REEP1: variants seen among roughly 807,000 people sequenced by gnomAD.
REEP1 encodes receptor expression-enhancing protein 1.
A neutral mutation model predicts 40.3 loss-of-function variants in REEP1; 22 were observed. The observed-to-expected ratio is 0.55, with a 90% CI of 0.39 to 0.78. REEP1 has a LOEUF of 0.78. Among genes scored for constraint, REEP1 ranks in the 30% least tolerant of loss-of-function variants. REEP1 has a pLI of 0.00. For synonymous variants in REEP1, 116 were observed against 139.2 expected, an observed-to-expected ratio of 0.83 and a Z score of 1.17; for missense variants, 280 against 361.1, an observed-to-expected ratio of 0.78 and a Z score of 1.82.
At chr2:86,305,352 C>G (rs1031748728) in intron 1 of REEP1, among the ~76,000 whole-genome samples, 1 of 152,188 alleles carries the variant, frequency 6.6e-6, no homozygotes, top group African/African-American at 2.4e-5. Flanking sequence ...TCTGTGTACC[C>G]GTTTCCTCCC....
chr2:86,250,007 A>C (rs1676180645), intron 5 of REEP1, among the ~76,000 whole-genome samples: 2 of 152,222 alleles, frequency 1.3e-5, no homozygotes, highest in Non-Finnish European at 2.9e-5. Context: ...TTATTTCCTG[A>C]GGCAACTTTC....
intron 2 of REEP1, among the ~76,000 whole-genome samples, chr2:86,265,232 T>A (rs908773164): frequency 6.6e-6 from 1 of 152,224 alleles, no homozygotes; most frequent in Non-Finnish European, 1.5e-5. Flanking sequence ...GAGATTTAGC[T>A]TCTGCCCACT....
At position 86,330,414 on chromosome 2, in the gene REEP1, GGTGTGTGTGTGTGT is replaced by G. The variant is rs55660803; in HGVS notation, c.32+7051_32+7064del. 1.5e-3 allele frequency among the ~76,000 whole-genome samples: 196 copies of G among 127,882 alleles called. 1 individual carries two copies. The highest frequency in any genetic ancestry group is 4.2e-3 in the African/African-American group (143 of 34,294). 83.9% of individuals were successfully genotyped at this position (127,882 alleles called of 152,430 possible). A position where few individuals can be genotyped will look rare whatever the true frequency, so the allele number is the denominator to read the frequency against. On this transcript the variant is annotated intron_variant, in intron 1 of 8. Transcript: ENST00000538924. ...GACTCTCCCTACCACAGTGAATCCTGGTGTGTGTGTGTGTGTGTGTGTGTGTGTGTGTGTGTGTG... is the reference window on the plus strand; with the variant it reads ...GACTCTCCCTACCACAGTGAATCCTGGTGTGTGTGTGTGTGTGTGTGTGTG...
chr2:86,303,142 A>C (rs1287019769), intron 1 of REEP1, among the ~76,000 whole-genome samples: 3 of 151,068 alleles, frequency 2.0e-5, no homozygotes, highest in African/African-American at 7.3e-5. Context: ...TCCTAGGCTC[A>C]CGTGATCCTC....
At chr2:86,271,466 A>G (rs1453601259) in intron 2 of REEP1, among the ~76,000 whole-genome samples, 1 of 152,242 alleles carries the variant, frequency 6.6e-6, no homozygotes, top group East Asian at 1.9e-4. Context: ...AAAAATGACT[A>G]TCAGAGAAAA....
intron 1 of REEP1, among the ~76,000 whole-genome samples, chr2:86,300,024 G>T (rs114454829): frequency 6.6e-6 from 1 of 152,090 alleles, no homozygotes; most frequent in Admixed American, 6.5e-5. Context: ...ACATGGCCAG[G>T]GGGGACCATG....
chr2:86,220,227 G>T, intron 7 of REEP1, 106 bp from the exon 8 acceptor site: 1 of 742,186 alleles, frequency 1.3e-6, no homozygotes, highest in Non-Finnish European at 1.8e-6. Context: ...CAGCAAACCA[G>T]GCCTGTGAGG....
intron 1 of REEP1, among the ~76,000 whole-genome samples, chr2:86,325,435 T>G (rs1434339053): frequency 6.6e-6 from 1 of 152,172 alleles, no homozygotes; most frequent in Non-Finnish European, 1.5e-5. Context: ...CTAAAACCCG[T>G]GAATGTTACC....
intron 2 of REEP1, among the ~76,000 whole-genome samples, chr2:86,277,555 C>CAA (rs546202828): frequency 0.011 from 1,294 of 118,180 alleles, 11 homozygotes; most frequent in Admixed American, 0.021. Context: ...GACTCTGTAT[C>CAA]AAAAAAAAAA....
upstream of REEP1, chr2:86,337,690 G>C: frequency 1.0e-6 from 1 of 991,924 alleles, no homozygotes; most frequent in African/African-American, 1.8e-5. This position sits in a 1 kb window ranked among gnomAD's most constrained non-coding sequence, Gnocchi z 5.8. Flanking sequence ...TTCTGGCGGC[G>C]GCGGCGGCGG....
At chr2:86,286,017 C>T (rs1178591174) in intron 1 of REEP1, among the ~76,000 whole-genome samples, 2 of 152,148 alleles carry the variant, frequency 1.3e-5, no homozygotes, top group African/African-American at 4.8e-5. Flanking sequence ...CACAGCTCTG[C>T]GCCCACCCTC....
intron 2 of REEP1, among the ~76,000 whole-genome samples, chr2:86,281,309 G>A (rs1678071876): frequency 6.6e-6 from 1 of 152,112 alleles, no homozygotes; most frequent in South Asian, 2.1e-4. Flanking sequence ...CCCTTCCTAT[G>A]TGCTCACCTT....
chr2:86,297,166 G>A (rs1679025459), intron 1 of REEP1, among the ~76,000 whole-genome samples: 1 of 152,194 alleles, frequency 6.6e-6, no homozygotes, highest in African/African-American at 2.4e-5. Context: ...CCAGAGAGCT[G>A]GCCAGCACTT....
intron 1 of REEP1, among the ~76,000 whole-genome samples, chr2:86,311,230 G>A (rs977381340): frequency 5.9e-5 from 9 of 152,130 alleles, no homozygotes; most frequent in Admixed American, 5.2e-4. Context: ...GAAAAATACC[G>A]GGAGCCTGCA....
chr2:86,270,361 T>C (rs1558903435), intron 2 of REEP1, among the ~76,000 whole-genome samples: 1 of 152,272 alleles, frequency 6.6e-6, no homozygotes, highest in East Asian at 1.9e-4. Flanking sequence ...CACGCCTGGC[T>C]AATTTTGTAT....
At position 86,226,289 on chromosome 2, in the gene REEP1, A is replaced by G. The variant is rs529968660; in HGVS notation, c.631+1074T>C. Among the ~76,000 whole-genome samples the G allele has an allele frequency of 5.9e-5, 9 of 152,092 alleles. No individual in the cohort carries two copies. The South Asian group carries it at 1.5e-3, about 25-fold the overall frequency. ...GAAGCTCACAGCGGTTAGGTGATTC[A>G]CGCAAAGTTGCACAGCAAGTAAGTG... is the stretch of plus-strand genomic sequence containing the variant. On this transcript the variant is annotated intron_variant, in intron 7 of 8. Coordinates refer to ENST00000538924, the MANE Select transcript of REEP1 (RefSeq NM_001371279.1).
intron 2 of REEP1, among the ~76,000 whole-genome samples, chr2:86,280,988 G>GAGGA (rs1454162958): frequency 6.6e-6 from 1 of 152,196 alleles, no homozygotes; most frequent in African/African-American, 2.4e-5. Context: ...CTGTTCAGAT[G>GAGGA]AGGACACTTA....
chr2:86,335,058 T>C (rs1033506057), intron 1 of REEP1, among the ~76,000 whole-genome samples: 6 of 152,142 alleles, frequency 3.9e-5, no homozygotes, highest in Non-Finnish European at 7.4e-5. Flanking sequence ...TTCCTCAAGG[T>C]ATGTGGAGTG....
chr2:86,229,670 T>G (rs1000671605), intron 6 of REEP1, among the ~76,000 whole-genome samples: 4 of 143,648 alleles, frequency 2.8e-5, no homozygotes, highest in Admixed American at 2.2e-4. Context: ...AGTGCAATGG[T>G]GCAATCTCAT....
Sources: allele counts gnomAD v4.1 joint callset (sites outside exome capture counted in the v4.1 genomes callset), GRCh38; gene constraint gnomAD v4.1.1; non-coding constraint Gnocchi (gnomAD v3.1); transcripts MANE v1.5; gene names NCBI Gene and HGNC (gene_info 2026-07-23, HGNC 2026-07-21).